GSE1: variants seen among roughly 807,000 people sequenced by gnomAD.
The protein encoded by GSE1 is genetic suppressor element 1.
A neutral mutation model predicts 112.6 loss-of-function variants in GSE1; 32 were observed. That is an observed-to-expected ratio of 0.28 (90% CI 0.21 to 0.38). The LOEUF (loss-of-function observed/expected upper bound fraction) is 0.38, where lower values mean the gene tolerates loss of function less well. Among genes scored for constraint, GSE1 ranks in the 10% least tolerant of loss-of-function variants. The pLI is 1.00. For missense variants in GSE1, 2,348 were observed against 1,699.2 expected (o/e 1.38, Z -6.71); for synonymous variants, 1,115 against 735.6 (o/e 1.52, Z -8.35).
chr16:85,418,816 G>A (rs1416024236), intron 2 of GSE1, among the ~76,000 whole-genome samples: 2 of 152,230 alleles, frequency 1.3e-5, no homozygotes, highest in African/African-American at 4.8e-5. Context: ...TTTGTAGGGA[G>A]GGATTGGATT....
At chr16:85,622,628 C>G (rs1002086722) in intron 1 of GSE1, among the ~76,000 whole-genome samples, 1 of 152,202 alleles carries the variant, frequency 6.6e-6, no homozygotes, top group African/African-American at 2.4e-5. Context: ...TTTGAACCAT[C>G]TTGAGAGTGG....
At chr16:85,502,855 C>G (rs940855344) in intron 2 of GSE1, among the ~76,000 whole-genome samples, 1 of 152,162 alleles carries the variant, frequency 6.6e-6, no homozygotes, top group Non-Finnish European at 1.5e-5. Context: ...CCCTGGGGAC[C>G]AGGAGCAAGC....
intron 2 of GSE1, among the ~76,000 whole-genome samples, chr16:85,498,342 C>G (rs1317991150): frequency 6.6e-6 from 1 of 152,060 alleles, no homozygotes; most frequent in African/African-American, 2.4e-5. Context: ...CACACACGGA[C>G]ACACAGATAC....
intron 4 of GSE1, 36 bp from the exon 5 acceptor site, chr16:85,654,758 A>G: frequency 7.3e-7 from 1 of 1,375,300 alleles, no homozygotes; most frequent in Non-Finnish European, 1.0e-6. Flanking sequence ...GTGTGCACTC[A>G]CCTGTCCCCA....
chr16:85,552,923 A>G (rs1598153905), upstream of GSE1, among the ~76,000 whole-genome samples: 2 of 152,276 alleles, frequency 1.3e-5, no homozygotes, highest in African/African-American at 4.8e-5. Flanking sequence ...TCCTGCCATT[A>G]GCATATACAG....
At chr16:85,671,309 G>C (rs1022953059) in intron 15 of GSE1, among the ~76,000 whole-genome samples, 1 of 151,260 alleles carries the variant, frequency 6.6e-6, no homozygotes, top group South Asian at 2.1e-4. Flanking sequence ...GCGTAGTGGC[G>C]GGCGCCTGTA....
chr16:85,363,834 C>A (rs2035491), intron 2 of GSE1, among the ~76,000 whole-genome samples: 1 of 151,584 alleles, frequency 6.6e-6, no homozygotes, highest in Non-Finnish European at 1.5e-5. Flanking sequence ...GGAGCTGCTG[C>A]AGAAGACACA....
rs35279881 is a variant in GSE1, at chr16:85,456,579, C to CGTGTGTGTGTGTGTGTGT, written c.2464+98980_2464+98997dup. 2.0e-3 allele frequency among the ~76,000 whole-genome samples: 181 copies of CGTGTGTGTGTGTGTGTGT among 91,548 alleles called. 1 individual carries two copies. The highest frequency in any genetic ancestry group is 5.4e-3 in the Middle Eastern group (1 of 186). 60.1% of individuals were successfully genotyped at this position (91,548 alleles called of 152,430 possible). ...AGGGAGGGGAGGGTCATTTTCCTGCCGTGTGTGTGTGTGTGTGTGTGTGTG... is the reference window on the plus strand; with the variant it reads ...AGGGAGGGGAGGGTCATTTTCCTGCCGTGTGTGTGTGTGTGTGTGTGTGTGTGTGTGTGTGTGTGTGTG... On this transcript the variant is annotated intron_variant, in intron 2 of 2. Coordinates refer to the GSE1 transcript ENST00000637419.
intron 2 of GSE1, among the ~76,000 whole-genome samples, chr16:85,526,419 G>T (rs1014000671): frequency 6.6e-6 from 1 of 152,248 alleles, no homozygotes; most frequent in African/African-American, 2.4e-5. Context: ...TGAGAAGAAC[G>T]GCCAGTCCCA....
chr16:85,613,428 G>A, intron 1 of GSE1, 30 bp downstream of exon 1: 1 of 1,541,658 alleles, frequency 6.5e-7, no homozygotes, highest in Non-Finnish European at 8.8e-7. Context: ...CCGGGGACGG[G>A]GTCCTCCCCC....
At chr16:85,662,942 G>A (rs1384965143) in intron 9 of GSE1, 39 bp from the exon 10 acceptor site, 18 of 1,373,246 alleles carry the variant, frequency 1.3e-5, no homozygotes, top group Non-Finnish European at 1.7e-5. Context: ...GACAGATGAA[G>A]GCTCTTTGTC....
At chr16:85,597,259 G>A (rs780859319) in intron 1 of GSE1, among the ~76,000 whole-genome samples, 28 of 149,948 alleles carry the variant, frequency 1.9e-4, no homozygotes, top group South Asian at 1.7e-3. Context: ...GATTAATGGC[G>A]TGAGCCACCG....
At chr16:85,268,887 G>A (rs1187558648) in intron 1 of GSE1, among the ~76,000 whole-genome samples, 1 of 150,116 alleles carries the variant, frequency 6.7e-6, no homozygotes, top group African/African-American at 2.4e-5. Context: ...TGAAGGATGG[G>A]ACCCATTTCT....
chr16:85,368,566 G>A (rs895698706), intron 2 of GSE1, among the ~76,000 whole-genome samples: 7 of 151,642 alleles, frequency 4.6e-5, no homozygotes, highest in African/African-American at 1.5e-4. Context: ...TTAGCTGGGC[G>A]TGGTGGTGCA....
intron 2 of GSE1, among the ~76,000 whole-genome samples, chr16:85,499,088 A>G (rs1597966007): frequency 2.0e-5 from 3 of 152,210 alleles, no homozygotes; most frequent in Middle Eastern, 6.8e-3. Flanking sequence ...GAGGAGTGAG[A>G]CTGCAGGTTC....
At chr16:85,228,022 G>C (rs1000536218) in intron 1 of GSE1, among the ~76,000 whole-genome samples, 1 of 152,186 alleles carries the variant, frequency 6.6e-6, no homozygotes, top group African/African-American at 2.4e-5. Flanking sequence ...GGCTGGGAGG[G>C]CCCCTCTGTG....
intron 2 of GSE1, among the ~76,000 whole-genome samples, chr16:85,471,238 G>C (rs571554478): frequency 1.3e-5 from 2 of 152,334 alleles, no homozygotes; most frequent in Non-Finnish European, 2.9e-5. Flanking sequence ...CAGGTCCCCA[G>C]CTCCAGGGGT....
chr16:85,607,597 T>A (rs2047766257), upstream of GSE1, among the ~76,000 whole-genome samples: 1 of 152,184 alleles, frequency 6.6e-6, no homozygotes, highest in Non-Finnish European at 1.5e-5. Flanking sequence ...GCCTTAACCC[T>A]TTCCTGTTCC....
intron 2 of GSE1, among the ~76,000 whole-genome samples, chr16:85,529,340 G>A (rs954532308): frequency 3.3e-5 from 5 of 152,194 alleles, no homozygotes; most frequent in African/African-American, 1.2e-4. Context: ...CTGGTGGAAG[G>A]CCTCAGCAGG....
Sources: allele counts gnomAD v4.1 joint callset (sites outside exome capture counted in the v4.1 genomes callset), GRCh38; gene constraint gnomAD v4.1.1; transcripts MANE v1.5; gene names NCBI Gene and HGNC (gene_info 2026-07-23, HGNC 2026-07-21).